The following KIF25 variants were observed in gnomAD, a reference collection of about 807,000 sequenced individuals.
KIF25 encodes kinesin-like protein KIF25.
Under a neutral mutation model 32.9 loss-of-function variants are expected in KIF25, and 19 were observed. The ratio of observed to expected loss-of-function variants is 0.58; its 90% confidence interval spans 0.40 to 0.85. The LOEUF (loss-of-function observed/expected upper bound fraction) is 0.85, where lower values mean the gene tolerates loss of function less well. KIF25 is among the 40% of genes least tolerant of loss of function. The pLI, the probability that KIF25 is intolerant of heterozygous loss-of-function variation, is 0.00. For synonymous variants in KIF25, 225 were observed against 213.7 expected (o/e 1.05, Z -0.46); for missense variants, 485 against 507.0 (o/e 0.96, Z 0.42).
chr6:168,042,175 T>TG (rs1195066303), intron 11 of KIF25, 24 bp downstream of exon 11: 100 of 1,542,574 alleles, frequency 6.5e-5, no homozygotes, highest in Non-Finnish European at 8.5e-5. Context: ...GGCATTTCCC[T>TG]GGGGGGTGGG....
intron 5 of KIF25, among the ~76,000 whole-genome samples, chr6:168,026,467 C>T (rs752137276): frequency 6.6e-6 from 1 of 152,070 alleles, no homozygotes; most frequent in East Asian, 1.9e-4. Flanking sequence ...TCAGGATCAC[C>T]GTGTTTTTAT....
At chr6:168,027,893 C>T (rs974302213) in intron 5 of KIF25, among the ~76,000 whole-genome samples, 1 of 152,170 alleles carries the variant, frequency 6.6e-6, no homozygotes, top group Non-Finnish European at 1.5e-5. Flanking sequence ...TTCTCTATCT[C>T]TAGGAGCACT....
chr6:168,028,858 G>A (rs1798901281), intron 5 of KIF25, among the ~76,000 whole-genome samples: 1 of 152,164 alleles, frequency 6.6e-6, no homozygotes, highest in African/African-American at 2.4e-5. Context: ...ATCACTGATA[G>A]AGTCTCATCT....
chr6:168,041,984 G>T lies in KIF25; in HGVS notation c.662G>T (p.Ser221Ile). ...CSDSTADQAC[S>I]ATLPREQTEA... ...TCCCTTGCAGCAGACCAAGCCTGCAGTGCCACCCTCCCCAGGGAGCAAACA... is the reference window on the plus strand; with the variant it reads ...TCCCTTGCAGCAGACCAAGCCTGCATTGCCACCCTCCCCAGGGAGCAAACA... The change falls in exon 11 of 13, where the codon AGT (serine) becomes ATT (isoleucine). Residue 221 changes from serine (S) to isoleucine (I), a missense_variant. Ser to Ile is a moderately radical substitution (Grantham distance 142). This residue lies in a region of KIF25 where 480 missense variants were observed against 470.3 expected (regional missense o/e 1.02). Coordinates refer to ENST00000643607, the MANE Select transcript of KIF25 (RefSeq NM_030615.4). 2 of 1,551,830 alleles carry T rather than the reference G, an allele frequency of 1.3e-6. No homozygotes were observed. Among genetic ancestry groups the T allele is most frequent in the Non-Finnish European group, 1.7e-6 (2 of 1,147,204 alleles).
chr6:168,006,931 TCTTA>T (rs1231630397), intron 4 of KIF25, among the ~76,000 whole-genome samples: 5 of 152,248 alleles, frequency 3.3e-5, no homozygotes, highest in African/African-American at 1.2e-4. Flanking sequence ...TTAAAATTGC[TCTTA>T]CTATGTCCCC....
chr6:168,033,954 G>A lies in KIF25; in HGVS notation c.240G>A (p.Ser80=), dbSNP rs34379899. The change falls in exon 8 of 13, where the codon TCG becomes TCA. Residue 80 remains serine (S), a synonymous_variant. Coordinates refer to ENST00000643607, the MANE Select transcript of KIF25 (RefSeq NM_030615.4). ...GKSYTMLGRH[S]DDGPVLPLDP... Reference sequence around the variant, plus strand: ...GCTATACCATGCTGGGACGCCATTCGGACGACGGCCCTGTTCTGCCGCTTG... The same window carrying A: ...GCTATACCATGCTGGGACGCCATTCAGACGACGGCCCTGTTCTGCCGCTTG... 231 of 1,614,140 alleles carry A rather than the reference G, an allele frequency of 1.4e-4. No homozygotes were observed. The highest frequency in any genetic ancestry group is 1.8e-4 in the Non-Finnish European group (208 of 1,180,032).
chr6:168,007,150 C>T (rs1798590427), intron 4 of KIF25, among the ~76,000 whole-genome samples: 1 of 152,202 alleles, frequency 6.6e-6, no homozygotes, highest in African/African-American at 2.4e-5. Flanking sequence ...GTGGCTCACA[C>T]TTGTAATCCT....
At chr6:168,041,849 G>A (rs1409320404) in intron 10 of KIF25, 120 bp from the exon 11 acceptor site, 4 of 911,034 alleles carry the variant, frequency 4.4e-6, no homozygotes, top group South Asian at 1.8e-5. Flanking sequence ...CTTCTTACTG[G>A]GTGGGAGGTG....
At position 168,030,800 on chromosome 6, in the gene KIF25, C is replaced by T. The variant is rs1798930470; in HGVS notation, c.120C>T (p.Ser40=). 1.7e-5 allele frequency: 27 copies of T among 1,613,172 alleles called. No homozygotes were observed. The highest frequency in any genetic ancestry group is 4.4e-5 in the South Asian group (4 of 90,902). ...TTTATGGTCCAGCAGAGTCTCAGAG[C>T]GCGGTCTTTGGAGATGTGTGCCCCC... The part of the protein sequence containing the change: ...LRVYGPAESQ[S]AVFGDVCPLL... Residue 40 remains serine (S), a synonymous_variant, in exon 7 of 13, where the codon AGC becomes AGT. Transcript: ENST00000643607.
At chr6:168,002,924 A>G (rs1798527478) in intron 3 of KIF25, among the ~76,000 whole-genome samples, 1 of 152,200 alleles carries the variant, frequency 6.6e-6, no homozygotes, top group Non-Finnish European at 1.5e-5. Context: ...CCTCACATGC[A>G]CAGCTCACAG....
At position 168,044,844 on chromosome 6, in the gene KIF25, C is replaced by G. The variant is rs1799194960; in HGVS notation, c.1003C>G (p.Leu335Val). 6.3e-7 allele frequency: 1 copy of G among 1,591,752 alleles called. No individual in the cohort carries two copies. Among genetic ancestry groups the G allele is most frequent in the African/African-American group, 1.4e-5 (1 of 73,878 alleles). ...QDCLGGDAKL[L>V]VILCISPSQR... ...TTTTAAAGGAGGCGATGCGAAGTTA[C>G]TGGTGATTCTCTGCATTTCTCCCAG... is the stretch of plus-strand genomic sequence containing the variant. The change falls in exon 13 of 13, where the codon CTG becomes GTG. Residue 335 changes from leucine (L) to valine (V), a missense_variant. Physicochemically the swap from Leu to Val is conservative, Grantham distance 32 (BLOSUM62 1). Transcript: ENST00000643607.
intron 5 of KIF25, among the ~76,000 whole-genome samples, chr6:168,025,926 A>T (rs1364339707): frequency 7.2e-5 from 11 of 152,198 alleles, no homozygotes. Context: ...TGGGCAAGAG[A>T]GTCACAGAGT....
rs903055388 is a variant in KIF25 at position 167,998,215 on chromosome 6, T to A, written c.-1254T>A. 1 of 151,926 alleles carries A rather than the reference T, an allele frequency of 6.6e-6. No individual in the cohort carries two copies. The highest frequency in any genetic ancestry group is 2.4e-5 in the African/African-American group (1 of 41,352). 9.4% of individuals were successfully genotyped at this position (151,926 alleles called of 1,614,324 possible). ...AAAGATAATATGAACCTTCCTAAGA[T>A]GGAGTCAAGTCCCACAAGGAAGAAT... On this transcript the variant is annotated 5_prime_UTR_variant, in exon 1 of 13. It removes an upstream start codon present in the reference 5' UTR. Transcript: ENST00000643607.
chr6:168,003,240 A>G (rs2114865182), intron 3 of KIF25, among the ~76,000 whole-genome samples: 1 of 152,346 alleles, frequency 6.6e-6, no homozygotes, highest in South Asian at 2.1e-4. Flanking sequence ...GAAATAAAGA[A>G]CAGGGGTATT....
chr6:168,013,052 G>T (rs1196890216), intron 4 of KIF25, among the ~76,000 whole-genome samples: 2 of 152,062 alleles, frequency 1.3e-5, no homozygotes, highest in African/African-American at 4.8e-5. Flanking sequence ...ACTGATGGTG[G>T]CTGAGAAACG....
Position 168,038,548 on chromosome 6 carries a change from C to T in KIF25, c.318-5C>T, listed in dbSNP as rs575156753. The T allele has an allele frequency of 2.3e-4, 372 of 1,613,668 alleles. 12 individuals are homozygous for T. In the South Asian group the frequency reaches 3.6e-3, roughly 15 times the overall value. ...TGTAAGTTTCTCTTGTGTGTTTTCCCGCAGGCTCATTTTGGAAAATACCTC... is the reference window on the plus strand; with the variant it reads ...TGTAAGTTTCTCTTGTGTGTTTTCCTGCAGGCTCATTTTGGAAAATACCTC... On this transcript the variant is annotated splice_polypyrimidine_tract_variant and splice_region_variant and intron_variant, in intron 8 of 12. Coordinates refer to ENST00000643607, the MANE Select transcript of KIF25 (RefSeq NM_030615.4).
intron 4 of KIF25, among the ~76,000 whole-genome samples, chr6:168,005,531 G>A (rs1199640572): frequency 6.6e-6 from 1 of 152,166 alleles, no homozygotes; most frequent in East Asian, 1.9e-4. Context: ...ATCTCTAGAG[G>A]GACAGAACGA....
At chr6:168,033,570 A>C (rs1798971899) in intron 7 of KIF25, among the ~76,000 whole-genome samples, 1 of 152,056 alleles carries the variant, frequency 6.6e-6, no homozygotes, top group African/African-American at 2.4e-5. Context: ...TAAGGTCAGA[A>C]TCCCTATGTG....
intron 4 of KIF25, among the ~76,000 whole-genome samples, chr6:168,006,957 C>G (rs540331309): frequency 6.6e-6 from 1 of 152,232 alleles, no homozygotes; most frequent in Non-Finnish European, 1.5e-5. Context: ...GAAAGAAAAA[C>G]TTTTACAATT....
Sources: gnomAD v4.1 joint callset for allele counts (sites outside exome capture counted in the v4.1 genomes callset) on GRCh38, gnomAD v4.1.1 for gene constraint, gnomAD v4.1.1 regional missense constraint, MANE v1.5 for transcripts, NCBI Gene and HGNC (gene_info 2026-07-23, HGNC 2026-07-21) for gene names.